Variants in DYRK1A observed in about 807,000 individuals in gnomAD.
The protein encoded by DYRK1A is dual specificity tyrosine-phosphorylation-regulated kinase 1A.
Under a neutral mutation model 79.7 loss-of-function variants are expected in DYRK1A, and 9 were observed. The ratio of observed to expected loss-of-function variants is 0.11; its 90% CI spans 0.07 to 0.20. The LOEUF is 0.20. Ranked by LOEUF, DYRK1A falls within the 10% of genes least tolerant of loss-of-function variation. The probability of loss-of-function intolerance (pLI) is 1.00; values close to 1 mark genes in which losing one functional copy is unlikely to be tolerated. For synonymous variants in DYRK1A, 349 were observed against 329.7 expected (o/e 1.06, Z -0.63); for missense variants, 622 against 956.0 (o/e 0.65, Z 4.61).
intron 2 of DYRK1A, among the ~76,000 whole-genome samples, chr21:37,424,137 A>G (rs945647540): frequency 8.5e-5 from 13 of 152,206 alleles, no homozygotes; most frequent in Middle Eastern, 6.8e-3. Context: ...AGCTGTCACC[A>G]GTTTGCCTCC....
At chr21:37,438,314 T>G (rs2050986375) in intron 2 of DYRK1A, among the ~76,000 whole-genome samples, 1 of 152,192 alleles carries the variant, frequency 6.6e-6, no homozygotes, top group South Asian at 2.1e-4. Flanking sequence ...GTTTTCAATT[T>G]TTATGAAGCC....
intron 11 of DYRK1A, among the ~76,000 whole-genome samples, chr21:37,506,826 T>G (rs1183651212): frequency 6.6e-6 from 1 of 152,206 alleles, no homozygotes; most frequent in Non-Finnish European, 1.5e-5. Flanking sequence ...GTGATGGTGT[T>G]TGAAGGTGAG....
chr21:37,438,407 T>A (rs2050988727), intron 2 of DYRK1A, among the ~76,000 whole-genome samples: 1 of 151,346 alleles, frequency 6.6e-6, no homozygotes, highest in Non-Finnish European at 1.5e-5. Context: ...CGTTTTTGCC[T>A]ATGTTTGTTG....
At chr21:37,424,412 A>G (rs2050561245) in intron 2 of DYRK1A, among the ~76,000 whole-genome samples, 1 of 152,194 alleles carries the variant, frequency 6.6e-6, no homozygotes, top group African/African-American at 2.4e-5. Context: ...AACATATCCC[A>G]AGTTTTAGTG....
intron 2 of DYRK1A, among the ~76,000 whole-genome samples, chr21:37,448,030 CCT>C (rs2051327960): frequency 6.6e-6 from 1 of 152,126 alleles, no homozygotes; most frequent in Admixed American, 6.5e-5. Flanking sequence ...AGTTTTTCCC[CCT>C]CTGAGTATTA....
intron 2 of DYRK1A, among the ~76,000 whole-genome samples, chr21:37,457,247 C>A (rs532265201): frequency 1.3e-5 from 2 of 151,708 alleles, no homozygotes; most frequent in African/African-American, 2.4e-5. Context: ...TGTATCCCCC[C>A]CGCAAGACAG....
At position 37,518,435 on chromosome 21, in the gene DYRK1A, C is replaced by T. The variant is rs796563715; in HGVS notation, c.*5904C>T. On this transcript the variant is annotated 3_prime_UTR_variant, in exon 12 of 12. Coordinates refer to ENST00000647188, the MANE Select transcript of DYRK1A (RefSeq NM_001347721.2). The stretch of plus-strand genomic sequence containing the variant: ...CAGCCTTGCTGCACACTAAACTCAT[C>T]TGTAGAACTTTATAAAACCACGGAT... 12 of 152,310 alleles carry T rather than the reference C, an allele frequency of 7.9e-5. No homozygotes were observed. Among genetic ancestry groups the T allele is most frequent in the African/African-American group, 2.6e-4 (11 of 41,562 alleles). 9.4% of individuals were successfully genotyped at this position (152,310 alleles called of 1,614,324 possible).
intron 1 of DYRK1A, among the ~76,000 whole-genome samples, chr21:37,417,529 CTTT>C (rs3216074): frequency 0.013 from 567 of 44,006 alleles, 10 homozygotes; most frequent in African/African-American, 0.054. Flanking sequence ...TTTTCTTTTT[CTTT>C]TTTTTTTTTT....
intron 1 of DYRK1A, among the ~76,000 whole-genome samples, chr21:37,385,513 A>G (rs1189211690): frequency 6.6e-6 from 1 of 150,596 alleles, no homozygotes; most frequent in East Asian, 1.9e-4. Flanking sequence ...TCACCTTGCA[A>G]GAGGTGTACA....
intron 2 of DYRK1A, among the ~76,000 whole-genome samples, chr21:37,448,714 G>GAGTCTTACTA (rs1419399116): frequency 6.6e-6 from 1 of 151,946 alleles, no homozygotes; most frequent in Non-Finnish European, 1.5e-5. Flanking sequence ...TTTTGAGGCA[G>GAGTCTTACTA]AGTCTTACTC....
At chr21:37,473,408 A>G (rs918011854) in intron 3 of DYRK1A, among the ~76,000 whole-genome samples, 39 of 152,232 alleles carry the variant, frequency 2.6e-4, no homozygotes, top group Admixed American at 2.4e-3. Context: ...AATAGAATAC[A>G]TGCTGAACTC....
At chr21:37,429,134 C>T (rs2050707381) in intron 2 of DYRK1A, among the ~76,000 whole-genome samples, 1 of 152,162 alleles carries the variant, frequency 6.6e-6, no homozygotes, top group African/African-American at 2.4e-5. Context: ...ACAAAATATA[C>T]TCCATGGAAT....
At chr21:37,385,073 G>C (rs1602377263) in intron 1 of DYRK1A, among the ~76,000 whole-genome samples, 2 of 152,056 alleles carry the variant, frequency 1.3e-5, no homozygotes, top group African/African-American at 4.8e-5. Flanking sequence ...ACAAGCAGAA[G>C]TTGGCTTCAT....
chr21:37,480,977 T>TC, intron 5 of DYRK1A, 151 bp downstream of exon 5: 1 of 611,510 alleles, frequency 1.6e-6, no homozygotes, highest in East Asian at 3.0e-5. Flanking sequence ...CCATAATTCT[T>TC]TAAAGGTAGT....
In DYRK1A at chr21:37,426,919, T is replaced by TA. The variant is rs1569311955; in HGVS notation, c.10+6551dup. Among the ~76,000 whole-genome samples the TA allele has an allele frequency of 1.7e-3, 202 of 118,490 alleles. 1 individual carries two copies. Among genetic ancestry groups the TA allele is most frequent in the Middle Eastern group, 8.4e-3 (2 of 238 alleles). 77.7% of individuals were successfully genotyped at this position (118,490 alleles called of 152,430 possible). On this transcript the variant is annotated intron_variant, in intron 2 of 11. Transcript: ENST00000647188. ...TGGGCTAAAGAGCGAGACTCGGTTCTAAAAAAAAAAAAAAAAGAGATGAAT... is the reference window on the plus strand; with the variant it reads ...TGGGCTAAAGAGCGAGACTCGGTTCTAAAAAAAAAAAAAAAAAGAGATGAAT...
chr21:37,403,300 A>G (rs1012368844), intron 1 of DYRK1A, among the ~76,000 whole-genome samples: 1 of 152,006 alleles, frequency 6.6e-6, no homozygotes. Flanking sequence ...AAATAATTCT[A>G]ATTCTTTGAA....
intron 2 of DYRK1A, among the ~76,000 whole-genome samples, chr21:37,429,928 A>G (rs113098884): frequency 9.6e-4 from 146 of 152,326 alleles, no homozygotes; most frequent in Middle Eastern, 3.4e-3. Context: ...ATACATTAGT[A>G]TGTTTGTAGC....
intron 1 of DYRK1A, 97 bp downstream of exon 1, chr21:37,367,725 GA>G (rs2049339010): frequency 6.7e-6 from 1 of 149,088 alleles, no homozygotes; most frequent in African/African-American, 2.4e-5. Context: ...CGGGCGGAGG[GA>G]GGGACCTGCC....
chr21:37,505,522 A>G lies in DYRK1A; in HGVS notation c.1452A>G (p.Val484=). ...ADEGTNTSNS[V]STSPAMEQSQ... The stretch of plus-strand genomic sequence containing the variant: ...AAGGTACAAATACAAGTAATAGTGT[A>G]TCTACAAGCCCCGCCATGGAGCAGT... Residue 484 remains valine (V), a synonymous_variant, in exon 10 of 12, where the codon GTA becomes GTG. Transcript: ENST00000647188. 6.2e-7 allele frequency: 1 copy of G among 1,613,094 alleles called. No homozygotes were observed. Among genetic ancestry groups the G allele is most frequent in the Non-Finnish European group, 8.5e-7 (1 of 1,180,018 alleles).
Sources: allele counts gnomAD v4.1 joint callset (sites outside exome capture counted in the v4.1 genomes callset), GRCh38; gene constraint gnomAD v4.1.1; transcripts MANE v1.5; gene names NCBI Gene and HGNC (gene_info 2026-07-23, HGNC 2026-07-21).